The following RAP1GDS1 variants were observed in gnomAD, a reference collection of about 807,000 sequenced individuals.
RAP1GDS1 encodes RAP1, GTP-GDP dissociation stimulator 1.
A neutral mutation model predicts 71.1 loss-of-function variants in RAP1GDS1; 35 were observed. That is an observed-to-expected ratio of 0.49 (90% CI 0.38 to 0.65). The LOEUF (loss-of-function observed/expected upper bound fraction) is 0.65, where lower values mean the gene tolerates loss of function less well. RAP1GDS1 is among the 30% of genes least tolerant of loss of function. The pLI, the probability that RAP1GDS1 is intolerant of heterozygous loss-of-function variation, is 0.00. For missense variants in RAP1GDS1, 663 were observed against 706.1 expected (o/e 0.94, Z 0.69); for synonymous variants, 229 against 243.1 (o/e 0.94, Z 0.54).
intron 1 of RAP1GDS1, among the ~76,000 whole-genome samples, chr4:98,284,921 C>T (rs1467347703): frequency 6.6e-6 from 1 of 152,126 alleles, no homozygotes; most frequent in Non-Finnish European, 1.5e-5. Context: ...TGATTTAGAT[C>T]ATGCCAGCTT....
At position 98,292,558 on chromosome 4, in the gene RAP1GDS1, G is replaced by A. The variant is rs150137287; in HGVS notation, c.5-850G>A. On this transcript the variant is annotated intron_variant, in intron 1 of 14. Transcript: ENST00000408927. The stretch of plus-strand genomic sequence containing the variant: ...CTGCAGATGTAAGCCAGAACTTAAA[G>A]TATAATAAAAGAAAAAAAAAAAACA... Among the ~76,000 whole-genome samples the A allele has an allele frequency of 6.8e-5, 10 of 146,018 alleles. No individual in the cohort carries two copies. In the East Asian group the frequency reaches 2.0e-3, roughly 29 times the overall value.
At chr4:98,285,912 T>A (rs1460557055) in intron 1 of RAP1GDS1, among the ~76,000 whole-genome samples, 1 of 131,268 alleles carries the variant, frequency 7.6e-6, no homozygotes, top group Non-Finnish European at 1.6e-5. Flanking sequence ...TATAAATTAT[T>A]TATAATATTT....
intron 6 of RAP1GDS1, among the ~76,000 whole-genome samples, chr4:98,402,613 TAATAA>T (rs1745594900): frequency 6.6e-6 from 1 of 152,192 alleles, no homozygotes; most frequent in South Asian, 2.1e-4. Context: ...CAAAGCAGTG[TAATAA>T]AATGTTGATC....
intron 12 of RAP1GDS1, among the ~76,000 whole-genome samples, chr4:98,432,578 A>G (rs1412968178): frequency 6.6e-6 from 1 of 152,188 alleles, no homozygotes; most frequent in Non-Finnish European, 1.5e-5. Context: ...TCACTAAACA[A>G]GTTTGGGCTC....
intron 2 of RAP1GDS1, among the ~76,000 whole-genome samples, chr4:98,319,408 G>A (rs1211601581): frequency 6.6e-6 from 1 of 152,136 alleles, no homozygotes; most frequent in Admixed American, 6.5e-5. Flanking sequence ...TACTTTTTAT[G>A]ATGTAATATG....
intron 6 of RAP1GDS1, among the ~76,000 whole-genome samples, chr4:98,393,130 A>C (rs1292370768): frequency 6.6e-6 from 1 of 152,226 alleles, no homozygotes; most frequent in Non-Finnish European, 1.5e-5. Context: ...AGTTACAACA[A>C]ACAAATATAT....
At chr4:98,420,309 C>A (rs1748635184) in intron 11 of RAP1GDS1, among the ~76,000 whole-genome samples, 165 bp downstream of exon 11, 1 of 150,742 alleles carries the variant, frequency 6.6e-6, no homozygotes, top group South Asian at 2.1e-4. Context: ...AATTTTTATG[C>A]TTGTTATAAT....
intron 6 of RAP1GDS1, among the ~76,000 whole-genome samples, chr4:98,394,041 A>C (rs1206405416): frequency 1.3e-5 from 2 of 152,158 alleles, no homozygotes; most frequent in Non-Finnish European, 2.9e-5. Context: ...GTTTTAGGAG[A>C]GTACATAGAA....
chr4:98,310,017 A>G (rs1466416327), intron 2 of RAP1GDS1, among the ~76,000 whole-genome samples: 4 of 152,086 alleles, frequency 2.6e-5, no homozygotes, highest in Non-Finnish European at 5.9e-5. Flanking sequence ...AATTGAGCTC[A>G]TACTGTTGTG....
rs1352431549 is a variant in RAP1GDS1, at chr4:98,388,189, G to A, written c.509-3763G>A. ...GAATTGTAACATCTACATAGTAACT[G>A]AAATAGGTAGACTCAATCTGGAATG... On this transcript the variant is annotated intron_variant, in intron 5 of 14. Transcript: ENST00000408927. Among the ~76,000 whole-genome samples, 4 of 152,262 alleles carry A rather than the reference G, an allele frequency of 2.6e-5. No individual in the cohort carries two copies. The East Asian group carries it at 7.7e-4, about 29-fold the overall frequency.
intron 7 of RAP1GDS1, among the ~76,000 whole-genome samples, chr4:98,413,582 G>A (rs1747430525): frequency 6.6e-6 from 1 of 151,456 alleles, no homozygotes; most frequent in Non-Finnish European, 1.5e-5. Context: ...GTATTCCATG[G>A]TGTATATGTG....
intron 12 of RAP1GDS1, among the ~76,000 whole-genome samples, chr4:98,428,807 A>G (rs1749985074): frequency 1.3e-5 from 2 of 152,224 alleles, no homozygotes. Flanking sequence ...CTAAAAGTAG[A>G]TTTACCATTT....
intron 12 of RAP1GDS1, among the ~76,000 whole-genome samples, chr4:98,427,994 T>G (rs1472000167): frequency 6.6e-6 from 1 of 152,144 alleles, no homozygotes; most frequent in African/African-American, 2.4e-5. Context: ...AACATGGTAG[T>G]GGTACAAAAA....
intron 2 of RAP1GDS1, among the ~76,000 whole-genome samples, chr4:98,325,381 A>C (rs1732841707): frequency 6.6e-6 from 1 of 151,042 alleles, no homozygotes; most frequent in Non-Finnish European, 1.5e-5. Context: ...TCAGGGATCT[A>C]GAACTAGAAA....
chr4:98,440,301 A>C (rs1422579943), intron 14 of RAP1GDS1, among the ~76,000 whole-genome samples: 1 of 152,196 alleles, frequency 6.6e-6, no homozygotes, highest in African/African-American at 2.4e-5. Flanking sequence ...ATTGGTATGC[A>C]AATATCTCTG....
At chr4:98,376,101 C>T (rs1423301712) in intron 4 of RAP1GDS1, among the ~76,000 whole-genome samples, 1 of 152,000 alleles carries the variant, frequency 6.6e-6, no homozygotes, top group Admixed American at 6.6e-5. Flanking sequence ...CATACTTGTG[C>T]TGGAAACTGC....
chr4:98,263,299 T>TAG (rs973389185), intron 1 of RAP1GDS1, among the ~76,000 whole-genome samples: 3 of 152,224 alleles, frequency 2.0e-5, no homozygotes, highest in Admixed American at 2.0e-4. Flanking sequence ...AGGTGAGCCT[T>TAG]AAACAATCCA....
At chr4:98,433,393 TCAAG>T (rs1341797244) in intron 12 of RAP1GDS1, among the ~76,000 whole-genome samples, 1 of 152,000 alleles carries the variant, frequency 6.6e-6, no homozygotes, top group Non-Finnish European at 1.5e-5. Context: ...GCTCCCTGGC[TCAAG>T]CAGTCTCCCA....
At chr4:98,407,204 CTTTA>C (rs1746246331) in intron 7 of RAP1GDS1, among the ~76,000 whole-genome samples, 1 of 151,964 alleles carries the variant, frequency 6.6e-6, no homozygotes, top group Admixed American at 6.6e-5. Flanking sequence ...ATAATGTCAC[CTTTA>C]TTGTTTCTGA....
Sources: gnomAD v4.1 joint callset for allele counts (sites outside exome capture counted in the v4.1 genomes callset) on GRCh38, gnomAD v4.1.1 for gene constraint, MANE v1.5 for transcripts, NCBI Gene and HGNC (gene_info 2026-07-23, HGNC 2026-07-21) for gene names.